GAK: variants seen among roughly 807,000 people sequenced by gnomAD.
The protein encoded by GAK is cyclin-G-associated kinase.
GAK carries 79 observed loss-of-function variants against 143.9 expected under a neutral mutation model. The ratio of observed to expected loss-of-function variants is 0.55; its 90% CI spans 0.46 to 0.66. The LOEUF (loss-of-function observed/expected upper bound fraction) is 0.66, where lower values mean the gene tolerates loss of function less well. GAK is among the 30% of genes least tolerant of loss of function. GAK has a pLI of 0.00. For missense variants in GAK, 1,693 were observed against 1,779.7 expected (o/e 0.95, Z 0.88); for synonymous variants, 881 against 765.5 (o/e 1.15, Z -2.49).
intron 5 of GAK, 105 bp downstream of exon 5, chr4:904,532 C>T (rs1403584219): frequency 1.0e-6 from 1 of 969,402 alleles, no homozygotes; most frequent in East Asian, 2.8e-5. Flanking sequence ...ACACAGAGGC[C>T]TCAGCAGCCG....
chr4:860,615 C>T (rs867068595), intron 23 of GAK, among the ~76,000 whole-genome samples: 2 of 152,194 alleles, frequency 1.3e-5, no homozygotes, highest in African/African-American at 2.4e-5. Context: ...GGAGACAAAC[C>T]GGAGATGGCA....
At position 877,180 on chromosome 4, in the gene GAK, C is replaced by G; in HGVS notation, c.1884G>C (p.Ala628=). 1 of 1,613,614 alleles carries G rather than the reference C, an allele frequency of 6.2e-7. No individual in the cohort carries two copies. The highest frequency in any genetic ancestry group is 8.5e-7 in the Non-Finnish European group (1 of 1,179,628). The part of the protein sequence containing the change: ...MRDFKIEDGK[A]VIPLGVTVQG... ...GCACCGTGACGCCCAGGGGAATCAC[C>G]GCTTTGCCATCTTCAATCTTAAAGT... is the stretch of plus-strand genomic sequence containing the variant. The change falls in exon 17 of 28, where the codon GCG becomes GCC. Residue 628 remains alanine (A), a synonymous_variant. Coordinates refer to ENST00000314167, the MANE Select transcript of GAK (RefSeq NM_005255.4).
At chr4:871,776 G>A (rs1458719540) in intron 18 of GAK, among the ~76,000 whole-genome samples, 1 of 152,086 alleles carries the variant, frequency 6.6e-6, no homozygotes. Context: ...ACCTGACACT[G>A]ACCATTTCCC....
At chr4:904,348 C>T (rs112896820) in intron 5 of GAK, among the ~76,000 whole-genome samples, 27 of 91,858 alleles carry the variant, frequency 2.9e-4, no homozygotes, top group South Asian at 5.5e-4. Flanking sequence ...CCTAACCGAG[C>T]GGGACCCGCA....
chr4:855,064 G>A (rs1310525969), intron 24 of GAK, among the ~76,000 whole-genome samples: 1 of 152,076 alleles, frequency 6.6e-6, no homozygotes, highest in Non-Finnish European at 1.5e-5. Context: ...ACTATTCCAG[G>A]CATCTAGTCC....
At chr4:926,719 G>C (rs557750971) in intron 1 of GAK, among the ~76,000 whole-genome samples, 13 of 152,120 alleles carry the variant, frequency 8.5e-5, no homozygotes, top group Non-Finnish European at 1.6e-4. Context: ...TTGGTACCAG[G>C]AGAGCCGCCA....
rs1449426445 is a variant in GAK, at chr4:918,977, GCC to G, written c.146-5311_146-5310del. Reference sequence around the variant, plus strand: ...GACAGAAGGCTCCAAAGGCCTCAGTGCCCCATGACCTTAGAAAGACAGAAGGC... The same window carrying G: ...GACAGAAGGCTCCAAAGGCCTCAGTGCCATGACCTTAGAAAGACAGAAGGC... On this transcript the variant is annotated intron_variant, in intron 1 of 27. Transcript: ENST00000314167. 4.8e-5 allele frequency among the ~76,000 whole-genome samples: 3 copies of G among 62,888 alleles called. 1 individual carries two copies. The highest frequency in any genetic ancestry group is 1.5e-4 in the African/African-American group (3 of 19,370). 41.3% of individuals were successfully genotyped at this position (62,888 alleles called of 152,430 possible).
intron 27 of GAK, 32 bp from the exon 28 acceptor site, chr4:849,806 A>G (rs201137808): frequency 1.3e-3 from 2,114 of 1,593,082 alleles, no homozygotes; most frequent in Non-Finnish European, 1.7e-3. Flanking sequence ...AGCGCCTCTT[A>G]TAAGCATGCG....
At position 888,811 on chromosome 4, in the gene GAK, T is replaced by G. The variant is rs1560367412; in HGVS notation, c.1205+36A>C. On this transcript the variant is annotated intron_variant, in intron 11 of 27. Coordinates refer to ENST00000314167, the MANE Select transcript of GAK (RefSeq NM_005255.4). ...CCGGGGCTGCAGCCTGGAACGAGCG[T>G]GCGGCAGGTCCAGGGCTCTGGAGCC... 2.5e-6 allele frequency: 4 copies of G among 1,581,150 alleles called. No homozygotes were observed. In the South Asian group the frequency reaches 4.6e-5, roughly 18 times the overall value.
Position 888,971 on chromosome 4 carries a change from C to G in GAK, c.1082-1G>C. 6.2e-7 allele frequency: 1 copy of G among 1,610,480 alleles called. No homozygotes were observed. The highest frequency in any genetic ancestry group is 8.5e-7 in the Non-Finnish European group (1 of 1,179,398). The stretch of plus-strand genomic sequence containing the variant: ...TGGTCGTACTCCGCCAGCGCCAGGC[C>G]TGCAGGGAGACACAGTCTCAGCAGG... On this transcript the variant is annotated splice_acceptor_variant, in intron 10 of 27. Transcript: ENST00000314167. LOFTEE classifies it high-confidence loss of function.
chr4:921,206 G>C (rs1577321193), intron 1 of GAK, among the ~76,000 whole-genome samples: 1 of 152,116 alleles, frequency 6.6e-6, no homozygotes, highest in Admixed American at 6.5e-5. Flanking sequence ...AGGTTCAAGC[G>C]ATTCTCCTGC....
intron 15 of GAK, among the ~76,000 whole-genome samples, chr4:879,651 T>A (rs1464665897): frequency 1.3e-5 from 2 of 152,202 alleles, no homozygotes; most frequent in Non-Finnish European, 2.9e-5. Flanking sequence ...GGTTTTCATG[T>A]GTTCATCTTG....
intron 1 of GAK, among the ~76,000 whole-genome samples, chr4:925,737 G>A (rs527747205): frequency 3.3e-5 from 5 of 152,202 alleles, no homozygotes; most frequent in African/African-American, 7.2e-5. Context: ...AGGACACAGC[G>A]AGAAGGTGCT....
intron 7 of GAK, chr4:894,935 G>A (rs1199100621): frequency 3.3e-5 from 5 of 152,210 alleles, no homozygotes; most frequent in East Asian, 1.9e-4. Flanking sequence ...CGCCGAGATC[G>A]CGCCACTGCC....
chr4:880,704 C>G (rs1240931572), intron 15 of GAK, among the ~76,000 whole-genome samples: 1 of 152,224 alleles, frequency 6.6e-6, no homozygotes, highest in Non-Finnish European at 1.5e-5. Context: ...CCCACAGGCA[C>G]CTGACTCTCC....
At chr4:891,461 T>C (rs1367531953) in intron 9 of GAK, among the ~76,000 whole-genome samples, 2 of 152,086 alleles carry the variant, frequency 1.3e-5, no homozygotes, top group Non-Finnish European at 2.9e-5. Context: ...CACTACCTCC[T>C]GGGGGCAGTA....
intron 24 of GAK, among the ~76,000 whole-genome samples, chr4:854,772 G>A (rs1237487164): frequency 6.6e-6 from 1 of 152,172 alleles, no homozygotes; most frequent in Admixed American, 6.5e-5. Flanking sequence ...ATGGCTGGGT[G>A]CGGTGGCTCA....
At chr4:869,922 A>G (rs1712148876) in intron 19 of GAK, 1 of 152,026 alleles carries the variant, frequency 6.6e-6, no homozygotes, top group African/African-American at 2.4e-5. Context: ...ACTCGGATGC[A>G]CAGTACACAT....
chr4:899,057 AGCCCCACAGTGCTCAC>A (rs1719359361), intron 5 of GAK, among the ~76,000 whole-genome samples: 1 of 152,136 alleles, frequency 6.6e-6, no homozygotes, highest in Non-Finnish European at 1.5e-5. Flanking sequence ...GCAGTGACTC[AGCCCCACAGTGCTCAC>A]GCCCCACACA....
Sources: allele counts gnomAD v4.1 joint callset (sites outside exome capture counted in the v4.1 genomes callset), GRCh38; gene constraint gnomAD v4.1.1; transcripts MANE v1.5; gene names NCBI Gene and HGNC (gene_info 2026-07-23, HGNC 2026-07-21).